Variants in ZFPM2 observed in about 807,000 individuals in gnomAD.
The protein encoded by ZFPM2 is zinc finger protein, FOG family member 2.
A neutral mutation model predicts 98.6 loss-of-function variants in ZFPM2; 20 were observed. The observed-to-expected ratio is 0.20, with a 90% CI of 0.14 to 0.29. The LOEUF (loss-of-function observed/expected upper bound fraction) is 0.29, where lower values mean the gene tolerates loss of function less well. Ranked by LOEUF, ZFPM2 falls within the 10% of genes least tolerant of loss-of-function variation. ZFPM2 has a pLI of 1.00. For synonymous variants in ZFPM2, 518 were observed against 502.7 expected, an observed-to-expected ratio of 1.03 and a Z score of -0.41; for missense variants, 1,310 against 1,388.6, an observed-to-expected ratio of 0.94 and a Z score of 0.90.
At chr8:105,365,907 A>G (rs897760441) in intron 1 of ZFPM2, among the ~76,000 whole-genome samples, 2 of 152,176 alleles carry the variant, frequency 1.3e-5, no homozygotes, top group Non-Finnish European at 2.9e-5. Flanking sequence ...TTTCCGTGCA[A>G]TTCAGAATCC....
intron 3 of ZFPM2, among the ~76,000 whole-genome samples, chr8:105,479,887 C>G (rs140526114): frequency 6.6e-6 from 1 of 151,920 alleles, no homozygotes; most frequent in Non-Finnish European, 1.5e-5. Context: ...TAAAATTCGA[C>G]CAATTTTTCT....
chr8:105,437,840 C>T (rs1045188287), intron 2 of ZFPM2, among the ~76,000 whole-genome samples: 16 of 151,982 alleles, frequency 1.1e-4, no homozygotes, highest in African/African-American at 3.9e-4. Flanking sequence ...GTCAGGAGTT[C>T]GTGACCAGCC....
chr8:105,512,872 A>G (rs1266028697), intron 3 of ZFPM2, among the ~76,000 whole-genome samples: 1 of 151,832 alleles, frequency 6.6e-6, no homozygotes, highest in African/African-American at 2.4e-5. Flanking sequence ...CCAGAAATAC[A>G]TGTATGTATA....
At chr8:105,571,607 G>A (rs1815355648) in intron 4 of ZFPM2, among the ~76,000 whole-genome samples, 1 of 152,162 alleles carries the variant, frequency 6.6e-6, no homozygotes, top group African/African-American at 2.4e-5. Context: ...AGTTTGGCAG[G>A]ATATGCTTAC....
intron 5 of ZFPM2, among the ~76,000 whole-genome samples, chr8:105,671,922 A>G (rs1267647221): frequency 1.3e-5 from 2 of 152,180 alleles, no homozygotes; most frequent in Non-Finnish European, 2.9e-5. Context: ...CTTAATTACT[A>G]TGTTATGATG....
At chr8:105,470,384 T>C (rs1281526213) in intron 3 of ZFPM2, among the ~76,000 whole-genome samples, 2 of 152,196 alleles carry the variant, frequency 1.3e-5, no homozygotes, top group Non-Finnish European at 2.9e-5. Flanking sequence ...GTCTACCTTA[T>C]AGGGTTACTA....
rs187934456 is a variant in ZFPM2, at chr8:105,455,628, G to A, written c.301+11247G>A. 7.2e-5 allele frequency among the ~76,000 whole-genome samples: 11 copies of A among 152,306 alleles called. No homozygotes were observed. The East Asian group carries it at 1.5e-3, about 21-fold the overall frequency. ...GAAACGACTCTGATGACTATGTAGA[G>A]AGTGGACAGAAGGAAATAAAAATTC... is the stretch of plus-strand genomic sequence containing the variant. On this transcript the variant is annotated intron_variant, in intron 3 of 7. Transcript: ENST00000407775.
intron 3 of ZFPM2, among the ~76,000 whole-genome samples, chr8:105,523,122 A>T (rs186482945): frequency 2.6e-4 from 40 of 152,100 alleles, no homozygotes; most frequent in African/African-American, 9.6e-4. Context: ...TGTCTTACAT[A>T]TTTTTTTTGA....
At chr8:105,571,876 T>C (rs1310259603) in intron 4 of ZFPM2, among the ~76,000 whole-genome samples, 2 of 152,166 alleles carry the variant, frequency 1.3e-5, no homozygotes, top group Non-Finnish European at 2.9e-5. Flanking sequence ...CCAAGTTTCA[T>C]AATTTAACTG....
intron 1 of ZFPM2, among the ~76,000 whole-genome samples, chr8:105,330,555 TATATATATATATAC>T (rs1812196684): frequency 9.5e-6 from 1 of 104,884 alleles, no homozygotes; most frequent in African/African-American, 3.9e-5. Context: ...TATATATACA[TATATATATATATAC>T]ATATATATAT....
intron 3 of ZFPM2, among the ~76,000 whole-genome samples, chr8:105,530,455 G>A (rs1409849700): frequency 1.3e-5 from 2 of 152,094 alleles, no homozygotes; most frequent in African/African-American, 4.8e-5. Flanking sequence ...TTCACAGATC[G>A]GGAGGCTAGA....
chr8:105,714,840 C>T (rs1476861429), intron 5 of ZFPM2, among the ~76,000 whole-genome samples: 1 of 151,966 alleles, frequency 6.6e-6, no homozygotes, highest in Non-Finnish European at 1.5e-5. Context: ...ACTAATTATA[C>T]AAATTAAATA....
chr8:105,722,384 T>C (rs1419704693), intron 5 of ZFPM2, among the ~76,000 whole-genome samples: 2 of 151,882 alleles, frequency 1.3e-5, no homozygotes, highest in Non-Finnish European at 2.9e-5. Flanking sequence ...ATGACTATAA[T>C]TGACCTTTGA....
chr8:105,800,417 C>A (rs1813966374), intron 7 of ZFPM2, among the ~76,000 whole-genome samples: 1 of 148,148 alleles, frequency 6.8e-6, no homozygotes, highest in Non-Finnish European at 1.5e-5. Flanking sequence ...TATTAGTGTA[C>A]TGGTAGACTA....
intron 1 of ZFPM2, among the ~76,000 whole-genome samples, chr8:105,372,255 G>C (rs1438740350): frequency 6.6e-6 from 1 of 151,848 alleles, no homozygotes; most frequent in African/African-American, 2.4e-5. Flanking sequence ...TGTTAGCCAG[G>C]ATGGTCTTGA....
chr8:105,445,685 G>C (rs1199621720), intron 3 of ZFPM2, among the ~76,000 whole-genome samples: 1 of 148,906 alleles, frequency 6.7e-6, no homozygotes, highest in Admixed American at 6.7e-5. Flanking sequence ...GCTCACTGCA[G>C]CCTCCACCTC....
rs370931980 is a variant in ZFPM2 at position 105,802,560 on chromosome 8, G to A, written c.2478G>A (p.Met826Ile). The A allele has an allele frequency of 1.2e-6, 2 of 1,611,376 alleles. No individual in the cohort carries two copies. Among genetic ancestry groups the A allele is most frequent in the African/African-American group, 1.3e-5 (1 of 74,900 alleles). ...ATTCCAGTGTTTCCTGCCTAGAGAT[G>A]GACGTGCCCATAGATCTCAGCAAAA... is the stretch of plus-strand genomic sequence containing the variant. ...TTHSSVSCLE[M>I]DVPIDLSKKC... Residue 826 changes from methionine to isoleucine, a missense_variant, in exon 8 of 8, where the codon ATG becomes ATA. Met to Ile is a conservative substitution (Grantham distance 10). Coordinates refer to ENST00000407775, the MANE Select transcript of ZFPM2 (RefSeq NM_012082.4).
At chr8:105,793,466 G>A (rs996291337) in intron 6 of ZFPM2, among the ~76,000 whole-genome samples, 46 of 152,300 alleles carry the variant, frequency 3.0e-4, no homozygotes, top group African/African-American at 1.1e-3. Context: ...CTGTTAGTCT[G>A]ATGGGCTTCC....
At chr8:105,336,192 G>A (rs1048684123) in intron 1 of ZFPM2, among the ~76,000 whole-genome samples, 6 of 151,646 alleles carry the variant, frequency 4.0e-5, no homozygotes, top group African/African-American at 7.3e-5. Context: ...TCCTTGTGTC[G>A]TGTCCTTTTA....
Sources: allele counts gnomAD v4.1 joint callset (sites outside exome capture counted in the v4.1 genomes callset), GRCh38; gene constraint gnomAD v4.1.1; transcripts MANE v1.5; gene names NCBI Gene and HGNC (gene_info 2026-07-23, HGNC 2026-07-21).